ADAMTS14: variants seen among roughly 807,000 people sequenced by gnomAD.
ADAMTS14 encodes A disintegrin and metalloproteinase with thrombospondin motifs 14.
In ADAMTS14, 100 loss-of-function variants were observed where a neutral mutation model predicts 128.6. The observed-to-expected ratio is 0.78, with a 90% confidence interval of 0.66 to 0.92. ADAMTS14 has a LOEUF of 0.92. Ranked by LOEUF, ADAMTS14 falls within the 40% of genes least tolerant of loss-of-function variation. The pLI, the probability that ADAMTS14 is intolerant of heterozygous loss-of-function variation, is 0.00. For synonymous variants in ADAMTS14, 665 were observed against 653.8 expected, an observed-to-expected ratio of 1.02 and a Z score of -0.26; for missense variants, 1,562 against 1,658.6, an observed-to-expected ratio of 0.94 and a Z score of 1.01.
intron 15 of ADAMTS14, among the ~76,000 whole-genome samples, chr10:70,746,725 C>T (rs775107485): frequency 3.9e-5 from 6 of 152,048 alleles, no homozygotes; most frequent in African/African-American, 7.2e-5. Flanking sequence ...GAGGCAGGAG[C>T]GTCTCAAAAA....
chr10:70,708,802 C>G, intron 4 of ADAMTS14, 24 bp downstream of exon 4: 5 of 550,780 alleles, frequency 9.1e-6, no homozygotes, highest in Non-Finnish European at 1.3e-5. Context: ...TGTCCTAGGA[C>G]TTGGGGGGAG....
chr10:70,758,187 A>T lies in ADAMTS14; in HGVS notation c.3080A>T (p.Asn1027Ile). The change falls in exon 21 of 22, where the codon AAC becomes ATC. Residue 1027 changes from asparagine (N) to isoleucine (I), a missense_variant. Transcript: ENST00000373207. ...TTCCTGCTCACAGGAAATCACCAGA[A>T]CTCCACGGTGAGGGCCGATGTCTGG... ...SLPACGGNHQ[N>I]STVRADVWEL... 2.5e-6 allele frequency: 4 copies of T among 1,613,998 alleles called. No individual in the cohort carries two copies. The highest frequency in any genetic ancestry group is 4.5e-5 in the East Asian group (2 of 44,870).
At chr10:70,681,496 G>C (rs1480651753) in intron 2 of ADAMTS14, among the ~76,000 whole-genome samples, 2 of 152,182 alleles carry the variant, frequency 1.3e-5, no homozygotes, top group African/African-American at 4.8e-5. Flanking sequence ...TGGCATCATG[G>C]GGAGCCATGG....
At chr10:70,704,772 C>T (rs1840607097) in intron 3 of ADAMTS14, among the ~76,000 whole-genome samples, 1 of 151,322 alleles carries the variant, frequency 6.6e-6, no homozygotes, top group Admixed American at 6.6e-5. Flanking sequence ...CATGCTTACA[C>T]ACATCCATAC....
chr10:70,740,396 C>T (rs1841957987), intron 11 of ADAMTS14, among the ~76,000 whole-genome samples: 1 of 152,208 alleles, frequency 6.6e-6, no homozygotes, highest in Non-Finnish European at 1.5e-5. Flanking sequence ...TTCACAGACA[C>T]ACCAGGAGGT....
At position 70,760,478 on chromosome 10, in the gene ADAMTS14, C is replaced by T. The variant is rs754217895; in HGVS notation, c.3297C>T (p.Gly1099=). ...CCVSCIKKAS[G]PNPGPDPGPT... ...TGTCCTGCATCAAGAAGGCCTCGGG[C>T]CCCAACCCTGGCCCAGACCCTGGCC... Residue 1099 remains glycine (G), a synonymous_variant, in exon 22 of 22, where the codon GGC becomes GGT. Transcript: ENST00000373207. 2 of 1,613,894 alleles carry T rather than the reference C, an allele frequency of 1.2e-6. No individual in the cohort carries two copies. Among genetic ancestry groups the T allele is most frequent in the African/African-American group, 2.7e-5 (2 of 75,046 alleles).
chr10:70,697,853 C>T (rs1361766148), intron 2 of ADAMTS14, among the ~76,000 whole-genome samples: 6 of 152,178 alleles, frequency 3.9e-5, no homozygotes, highest in African/African-American at 9.7e-5. Context: ...AAGAGGCAGC[C>T]GAATGTGTTA....
chr10:70,734,738 C>T (rs899413297), intron 8 of ADAMTS14, among the ~76,000 whole-genome samples: 1 of 152,172 alleles, frequency 6.6e-6, no homozygotes, highest in Non-Finnish European at 1.5e-5. Context: ...TCACTAGCCC[C>T]GTACAGGAGC....
intron 18 of ADAMTS14, among the ~76,000 whole-genome samples, chr10:70,752,630 G>C (rs2132745498): frequency 1.3e-5 from 2 of 152,254 alleles, no homozygotes; most frequent in Middle Eastern, 6.8e-3. Flanking sequence ...CCGGCCTCAA[G>C]ACCTCCTCAG....
At position 70,743,586 on chromosome 10, in the gene ADAMTS14, AC is replaced by A; in HGVS notation, c.1964del (p.Thr655ArgfsTer7). On this transcript the variant is annotated frameshift_variant, in exon 13 of 22. Coordinates refer to ENST00000373207, the MANE Select transcript of ADAMTS14 (RefSeq NM_080722.4). LOFTEE classifies it high-confidence loss of function. ...TGAGCTGATCTGCCAGTCGGCGGAC[AC>A]GGGGGACGTGGTGTTCATGAACCAG... The part of the protein sequence containing the change: ...KCELICQSAD[T>X]GDVVFMNQVV... The A allele has an allele frequency of 6.2e-7, 1 of 1,613,026 alleles. No individual in the cohort carries two copies. The highest frequency in any genetic ancestry group is 8.5e-7 in the Non-Finnish European group (1 of 1,179,762).
intron 4 of ADAMTS14, among the ~76,000 whole-genome samples, chr10:70,714,188 G>A (rs1460796954): frequency 6.6e-6 from 1 of 152,052 alleles, no homozygotes; most frequent in African/African-American, 2.4e-5. Flanking sequence ...ATAAGACCCT[G>A]TCTCTAGAAT....
intron 21 of ADAMTS14, among the ~76,000 whole-genome samples, chr10:70,758,767 C>T (rs1397084640): frequency 6.6e-6 from 1 of 152,188 alleles, no homozygotes; most frequent in South Asian, 2.1e-4. Flanking sequence ...AGAATGCATG[C>T]ACTCCTGTCT....
At position 70,733,910 on chromosome 10, in the gene ADAMTS14, G is replaced by A. The variant is rs1283735743; in HGVS notation, c.1234G>A (p.Gly412Arg). 1 of 1,613,682 alleles carries A rather than the reference G, an allele frequency of 6.2e-7. No individual in the cohort carries two copies. Among genetic ancestry groups the A allele is most frequent in the Admixed American group, 1.7e-5 (1 of 59,990 alleles). Residue 412 changes from glycine to arginine, a missense_variant, in exon 8 of 22, where the codon GGG becomes AGG. Transcript: ENST00000373207. ...GCTCGGCATGGAGCATGACGGTCAG[G>A]GGAATGGCTGTGCAGATGAGACCAG... The part of the protein sequence containing the change: ...HVLGMEHDGQ[G>R]NGCADETSLG...
intron 15 of ADAMTS14, chr10:70,745,518 C>T: frequency 1.6e-6 from 1 of 611,926 alleles, no homozygotes; most frequent in Non-Finnish European, 2.9e-6. Context: ...TCAAAGGGGA[C>T]CTAGTAAAGA....
At chr10:70,722,985 G>T (rs1024895623) in intron 4 of ADAMTS14, among the ~76,000 whole-genome samples, 8 of 152,220 alleles carry the variant, frequency 5.3e-5, no homozygotes, top group Admixed American at 2.0e-4. Context: ...TCAGGGAGCA[G>T]AGGGTAACTT....
chr10:70,713,170 C>T (rs1220322129), intron 4 of ADAMTS14, among the ~76,000 whole-genome samples: 1 of 152,220 alleles, frequency 6.6e-6, no homozygotes, highest in Non-Finnish European at 1.5e-5. Context: ...GGCTTCTTAA[C>T]TCTTGGTTGG....
In ADAMTS14 at chr10:70,738,863, A is replaced by G; in HGVS notation, c.1621A>G (p.Ile541Val). 1.2e-6 allele frequency: 2 copies of G among 1,614,122 alleles called. No homozygotes were observed. The highest frequency in any genetic ancestry group is 1.1e-5 in the South Asian group (1 of 91,084). Residue 541 changes from isoleucine to valine, a missense_variant, in exon 11 of 22, where the codon ATC (isoleucine) becomes GTC (valine). Physicochemically the swap from Ile to Val is conservative, Grantham distance 29 (BLOSUM62 3). Transcript: ENST00000373207. ...PGKWCFKGHC[I>V]WKSPEQTYGQ... ...CCAGTGGTGCTTCAAAGGTCACTGC[A>G]TCTGGAAGTCGCCGGAGCAGACATA...
intron 4 of ADAMTS14, among the ~76,000 whole-genome samples, chr10:70,727,785 G>A (rs571020772): frequency 1.3e-3 from 197 of 152,302 alleles, no homozygotes; most frequent in African/African-American, 4.5e-3. Flanking sequence ...TCACTATGTT[G>A]CCCAGGCTGG....
chr10:70,678,581 C>T (rs1839712038), intron 2 of ADAMTS14, among the ~76,000 whole-genome samples: 1 of 151,698 alleles, frequency 6.6e-6, no homozygotes, highest in Admixed American at 6.6e-5. Context: ...GGGGAGTGGA[C>T]CCTAGAAGAC....
Sources: allele counts gnomAD v4.1 joint callset (sites outside exome capture counted in the v4.1 genomes callset), GRCh38; gene constraint gnomAD v4.1.1; transcripts MANE v1.5; gene names NCBI Gene and HGNC (gene_info 2026-07-23, HGNC 2026-07-21).